CCT6B: variants seen among roughly 807,000 people sequenced by gnomAD.
CCT6B encodes the protein chaperonin containing TCP1 subunit 6B.
A neutral mutation model predicts 61.5 loss-of-function variants in CCT6B; 49 were observed. That is an observed-to-expected ratio of 0.80 (90% CI 0.63 to 1.01). The LOEUF is 1.01. CCT6B is among the 50% of genes least tolerant of loss of function. CCT6B has a pLI of 0.00. For synonymous variants in CCT6B, 228 were observed against 214.5 expected, an observed-to-expected ratio of 1.06 and a Z score of -0.55; for missense variants, 666 against 634.7, an observed-to-expected ratio of 1.05 and a Z score of -0.53.
chr17:34,947,922 A>T (rs1234511507), intron 5 of CCT6B, among the ~76,000 whole-genome samples: 1 of 151,246 alleles, frequency 6.6e-6, no homozygotes, highest in Non-Finnish European at 1.5e-5. Context: ...AGTTGCAGTG[A>T]GCCGAGATCA....
chr17:34,951,824 G>A (rs537381858), intron 5 of CCT6B, 126 bp downstream of exon 5: 1 of 504,634 alleles, frequency 2.0e-6, no homozygotes, highest in East Asian at 3.2e-5. Context: ...CCATTACCTA[G>A]AGCAGTGACT....
intron 13 of CCT6B, 76 bp downstream of exon 13, chr17:34,928,884 AAT>A (rs2089999797): frequency 1.2e-6 from 1 of 867,210 alleles, no homozygotes; most frequent in African/African-American, 1.7e-5. Flanking sequence ...CAGGGACAAA[AAT>A]AATAGAAAAA....
chr17:34,937,862 A>C (rs1028413090), intron 10 of CCT6B, among the ~76,000 whole-genome samples: 2 of 151,746 alleles, frequency 1.3e-5, no homozygotes, highest in African/African-American at 4.8e-5. Flanking sequence ...TAGTATACTA[A>C]CACAAATTTT....
rs1441854629 is a variant in CCT6B at position 34,939,566 on chromosome 17, A to G, written c.1065+51T>C. The stretch of plus-strand genomic sequence containing the variant: ...AAGGTCAAGTAGTATTTTTCTTTAA[A>G]AAAGGGGGCTTAGTATTCACTTTAT... On this transcript the variant is annotated intron_variant, in intron 9 of 13. Coordinates refer to ENST00000314144, the MANE Select transcript of CCT6B (RefSeq NM_006584.4). 5 of 1,175,780 alleles carry G rather than the reference A, an allele frequency of 4.3e-6. No homozygotes were observed. In the African/African-American group the frequency reaches 4.6e-5, roughly 11 times the overall value. 72.8% of individuals were successfully genotyped at this position (1,175,780 alleles called of 1,614,324 possible).
At position 34,961,434 on chromosome 17, in the gene CCT6B, C is replaced by A. The variant is rs774359718; in HGVS notation, c.-41G>T. 1.9e-6 allele frequency: 3 copies of A among 1,565,652 alleles called. No individual in the cohort carries two copies. Among genetic ancestry groups the A allele is most frequent in the Non-Finnish European group, 8.6e-7 (1 of 1,160,948 alleles). ...AGGGAGAAAAAAAAAAAGCCTTAGTCGCGATTCTGAGCAAAAACGGCAATG... is the reference window on the plus strand; with the variant it reads ...AGGGAGAAAAAAAAAAAGCCTTAGTAGCGATTCTGAGCAAAAACGGCAATG... On this transcript the variant is annotated 5_prime_UTR_variant, in exon 1 of 14. Transcript: ENST00000314144.
intron 8 of CCT6B, 39 bp from the exon 9 acceptor site, chr17:34,939,752 G>T: frequency 8.4e-7 from 1 of 1,186,498 alleles, no homozygotes. Context: ...TGATTATGGA[G>T]AACATTAATA....
chr17:34,944,787 C>G (rs1436247152), intron 5 of CCT6B, among the ~76,000 whole-genome samples: 2 of 152,168 alleles, frequency 1.3e-5, no homozygotes, highest in Non-Finnish European at 2.9e-5. Flanking sequence ...TTAGTCGGGC[C>G]TGGTGGCAGG....
At chr17:34,949,963 T>A (rs2142168529) in intron 5 of CCT6B, among the ~76,000 whole-genome samples, 1 of 152,284 alleles carries the variant, frequency 6.6e-6, no homozygotes, top group South Asian at 2.1e-4. Flanking sequence ...TCTTTTCAAG[T>A]ACATGAAACA....
At chr17:34,949,106 G>GAAAAGAAAAGAGAAA (rs909196765) in intron 5 of CCT6B, among the ~76,000 whole-genome samples, 6 of 62,358 alleles carry the variant, frequency 9.6e-5, no homozygotes, top group Non-Finnish European at 1.5e-4. Context: ...GAAAAGAAAA[G>GAAAAGAAAAGAGAAA]AGAAAAGAAA....
rs74943235 is a variant in CCT6B, at chr17:34,959,009, A to G, written c.202-315T>C. On this transcript the variant is annotated intron_variant, in intron 2 of 13. Transcript: ENST00000314144. The stretch of plus-strand genomic sequence containing the variant: ...CAAAGGATATTTTTATTTTTCCATA[A>G]TTACAAAGAACATAAGGCAGTGCCC... 5.5e-3 allele frequency among the ~76,000 whole-genome samples: 836 copies of G among 152,134 alleles called. 12 individuals are homozygous for G. Among genetic ancestry groups the G allele is most frequent in the African/African-American group, 0.018 (762 of 41,502 alleles).
At position 34,940,615 on chromosome 17, in the gene CCT6B, C is replaced by CAATT; in HGVS notation, c.888_891dup (p.Asp298AsnfsTer2). On this transcript the variant is annotated frameshift_variant, in exon 8 of 14. Coordinates refer to ENST00000314144, the MANE Select transcript of CCT6B (RefSeq NM_006584.4). LOFTEE classifies it high-confidence loss of function. ...GCAAGAGAATCTAAGGAAAATGGAT[C>CAATT]AATTCCCTATAATCAAATTAACATA... 1 of 1,494,982 alleles carries CAATT rather than the reference C, an allele frequency of 6.7e-7. No individual in the cohort carries two copies. Among genetic ancestry groups the CAATT allele is most frequent in the Non-Finnish European group, 9.2e-7 (1 of 1,085,752 alleles). 92.6% of individuals were successfully genotyped at this position (1,494,982 alleles called of 1,614,324 possible).
At chr17:34,932,631 T>C (rs2090049375) in intron 10 of CCT6B, 131 bp from the exon 11 acceptor site, 1 of 716,538 alleles carries the variant, frequency 1.4e-6, no homozygotes, top group Non-Finnish European at 2.2e-6. Context: ...CACAGCTTAG[T>C]AATTACTCAG....
chr17:34,949,538 G>C (rs1245922557), intron 5 of CCT6B: 2 of 151,430 alleles, frequency 1.3e-5, no homozygotes, highest in South Asian at 2.1e-4. Flanking sequence ...AGGAAGGAAG[G>C]AAGGCAGGAA....
At chr17:34,959,533 A>G in intron 2 of CCT6B, 54 bp downstream of exon 2, 2 of 1,238,188 alleles carry the variant, frequency 1.6e-6, no homozygotes, top group Admixed American at 3.4e-5. Context: ...AAGTTCTACT[A>G]TGCTTCTAAT....
chr17:34,935,233 C>T (rs1026399114), intron 10 of CCT6B, among the ~76,000 whole-genome samples: 5 of 151,856 alleles, frequency 3.3e-5, no homozygotes, highest in Non-Finnish European at 7.4e-5. Context: ...TGGTGGTTAC[C>T]CAGGGCTGGG....
In CCT6B at chr17:34,940,592, A is replaced by G. The variant is rs774006298; in HGVS notation, c.915T>C (p.Leu305=). 75 of 1,567,124 alleles carry G rather than the reference A, an allele frequency of 4.8e-5. No individual in the cohort carries two copies. Among genetic ancestry groups the G allele is most frequent in the Admixed American group, 1.5e-4 (8 of 54,788 alleles). The part of the protein sequence containing the change: ...KGIDPFSLDS[L]AKHGIVALRR... ...GAAGAGCTACTATTCCATGTTTTGC[A>G]AGAGAATCTAAGGAAAATGGATCAA... is the stretch of plus-strand genomic sequence containing the variant. Residue 305 remains leucine (L), a synonymous_variant, in exon 8 of 14, where the codon CTT becomes CTC. Transcript: ENST00000314144.
At chr17:34,959,756 T>C (rs1347013929) in intron 1 of CCT6B, 106 bp from the exon 2 acceptor site, 3 of 725,886 alleles carry the variant, frequency 4.1e-6, no homozygotes. Context: ...AAACTTCCAC[T>C]GTACCATGGG....
At chr17:34,944,937 A>G (rs2090207298) in intron 5 of CCT6B, among the ~76,000 whole-genome samples, 1 of 152,274 alleles carries the variant, frequency 6.6e-6, no homozygotes, top group Admixed American at 6.5e-5. Context: ...AAAAAGAAAA[A>G]AAAAGTAAAT....
intron 5 of CCT6B, 37 bp from the exon 6 acceptor site, chr17:34,942,943 T>C (rs756461247): frequency 1.7e-6 from 2 of 1,166,062 alleles, no homozygotes; most frequent in East Asian, 2.6e-5. Flanking sequence ...TTTGAATATA[T>C]ACTCTAAAAT....
Sources: allele counts gnomAD v4.1 joint callset (sites outside exome capture counted in the v4.1 genomes callset), GRCh38; gene constraint gnomAD v4.1.1; transcripts MANE v1.5; gene names NCBI Gene and HGNC (gene_info 2026-07-23, HGNC 2026-07-21).